Variants in NXPE3 observed in about 807,000 individuals in gnomAD.
NXPE3 encodes NXPE family member 3.
A neutral mutation model predicts 46.1 loss-of-function variants in NXPE3; 26 were observed. That is an observed-to-expected ratio of 0.56 (90% CI 0.41 to 0.78). The LOEUF is 0.78. Ranked by LOEUF, NXPE3 falls within the 30% of genes least tolerant of loss-of-function variation. NXPE3 has a pLI of 0.00. For missense variants in NXPE3, 620 were observed against 686.0 expected (o/e 0.90, Z 1.07); for synonymous variants, 272 against 257.9 (o/e 1.05, Z -0.52).
At chr3:101,791,811 A>G (rs1299792222) in intron 4 of NXPE3, among the ~76,000 whole-genome samples, 3 of 136,338 alleles carry the variant, frequency 2.2e-5, no homozygotes, top group Admixed American at 2.1e-4. Context: ...ACACTCTGTA[A>G]TAAGATTGCT....
chr3:101,821,690 T>C lies in NXPE3; in HGVS notation c.1416T>C (p.Asp472=), dbSNP rs1381749475. 6.2e-6 allele frequency: 10 copies of C among 1,614,052 alleles called. No individual in the cohort carries two copies. Among genetic ancestry groups the C allele is most frequent in the Non-Finnish European group, 7.6e-6 (9 of 1,180,032 alleles). Residue 472 remains aspartate (D), a synonymous_variant, in exon 8 of 8, where the codon GAT becomes GAC. Transcript: ENST00000273347. The part of the protein sequence containing the change: ...NIRRAVVRLL[D]RSPKTVVVIR... The stretch of plus-strand genomic sequence containing the variant: ...GTCGAGCAGTGGTTCGGCTCCTCGA[T>C]CGAAGCCCAAAGACCGTGGTGGTCA...
chr3:101,814,306 C>T (rs918039627), intron 6 of NXPE3, among the ~76,000 whole-genome samples: 5 of 152,244 alleles, frequency 3.3e-5, no homozygotes, highest in Non-Finnish European at 2.9e-5. Flanking sequence ...ATTAAAGCTA[C>T]ACTTGATAAC....
At chr3:101,787,454 G>A (rs1247319510) in intron 4 of NXPE3, among the ~76,000 whole-genome samples, 2 of 152,114 alleles carry the variant, frequency 1.3e-5, no homozygotes, top group African/African-American at 2.4e-5. Context: ...TTACAGGCGT[G>A]TGCCACCACG....
At chr3:101,814,986 C>A (rs1941905891) in intron 6 of NXPE3, among the ~76,000 whole-genome samples, 1 of 152,164 alleles carries the variant, frequency 6.6e-6, no homozygotes, top group African/African-American at 2.4e-5. Context: ...ATAGGACCTA[C>A]TTCAAAGAGT....
chr3:101,804,685 C>T (rs1460905102), intron 5 of NXPE3, among the ~76,000 whole-genome samples: 1 of 152,178 alleles, frequency 6.6e-6, no homozygotes, highest in Non-Finnish European at 1.5e-5. Context: ...TCCTTGGTAG[C>T]TCATAACCTT....
In NXPE3 at chr3:101,813,974, G is replaced by A. The variant is rs984566626; in HGVS notation, c.923-2821G>A. Among the ~76,000 whole-genome samples, 8 of 152,170 alleles carry A rather than the reference G, an allele frequency of 5.3e-5. No individual in the cohort carries two copies. The South Asian group carries it at 1.7e-3, about 31-fold the overall frequency. Reference sequence around the variant, plus strand: ...ATATGATTTTTTTCTCATGTAGCATGCAGCATGTTTAAAGAATTAATGTCA... The same window carrying A: ...ATATGATTTTTTTCTCATGTAGCATACAGCATGTTTAAAGAATTAATGTCA... On this transcript the variant is annotated intron_variant, in intron 6 of 7. Coordinates refer to ENST00000273347, the MANE Select transcript of NXPE3 (RefSeq NM_145037.4).
Position 101,821,577 on chromosome 3 carries a change from G to T in NXPE3, c.1303G>T (p.Gly435Trp). 3 of 1,614,158 alleles carry T rather than the reference G, an allele frequency of 1.9e-6. No homozygotes were observed. Among genetic ancestry groups the T allele is most frequent in the Admixed American group, 1.7e-5 (1 of 60,014 alleles). The change falls in exon 8 of 8, where the codon GGG (glycine) becomes TGG (tryptophan). Residue 435 changes from glycine (G) to tryptophan (W), a missense_variant. Gly to Trp is a radical substitution (Grantham distance 184). Transcript: ENST00000273347. Reference sequence around the variant, plus strand: ...GAATGAGCTGAATGGCATTGTGGGAGGGAAGAACACAGTGGTTGCCATAGC... The same window carrying T: ...GAATGAGCTGAATGGCATTGTGGGATGGAAGAACACAGTGGTTGCCATAGC... ...VANELNGIVG[G>W]KNTVVAIAVW...
At chr3:101,802,531 A>G (rs1941221391) in intron 5 of NXPE3, among the ~76,000 whole-genome samples, 2 of 151,990 alleles carry the variant, frequency 1.3e-5, no homozygotes, top group East Asian at 3.8e-4. Context: ...TTTGTATCTA[A>G]TGAACTGAAA....
In NXPE3 at chr3:101,785,650, G is replaced by C. The variant is rs1186314457; in HGVS notation, c.54G>C (p.Leu18Phe). ...LRLFCCLLAVLMVVVLVINVT... is the reference protein window; with the variant it reads ...LRLFCCLLAVFMVVVLVINVT... ...TTTTCTGCTGTCTGCTTGCAGTGTT[G>C]ATGGTGGTGGTGCTGGTCATCAATG... Residue 18 changes from leucine to phenylalanine, a missense_variant, in exon 4 of 8, where the codon TTG (leucine) becomes TTC (phenylalanine). Physicochemically the swap from Leu to Phe is conservative, Grantham distance 22. Transcript: ENST00000273347. The C allele has an allele frequency of 6.2e-7, 1 of 1,614,012 alleles. No individual in the cohort carries two copies. The highest frequency in any genetic ancestry group is 1.1e-5 in the South Asian group (1 of 91,062).
chr3:101,811,727 ATTTTTTTTTTT>A (rs33999838), intron 6 of NXPE3, among the ~76,000 whole-genome samples: 1 of 98,622 alleles, frequency 1.0e-5, no homozygotes, highest in Non-Finnish European at 2.1e-5. Context: ...GCAGTAGTTA[ATTTTTTTTTTT>A]TTTTTTTTTT....
At position 101,824,303 on chromosome 3, in the gene NXPE3, T is replaced by C. The variant is rs977867995; in HGVS notation, c.*2349T>C. On this transcript the variant is annotated 3_prime_UTR_variant, in exon 8 of 8. Coordinates refer to ENST00000273347, the MANE Select transcript of NXPE3 (RefSeq NM_145037.4). ...GGGATTTACCAATAACTGGTTTAAT[T>C]CTGTTCATGATCCAATAGTATTGGT... 1 of 152,186 alleles carries C rather than the reference T, an allele frequency of 6.6e-6. No individual in the cohort carries two copies. The highest frequency in any genetic ancestry group is 1.5e-5 in the Non-Finnish European group (1 of 68,044). The allele number at this position is 152,186 out of a possible 1,614,324, so 9.4% of individuals were successfully genotyped here. A position where few individuals can be genotyped will look rare whatever the true frequency, so the allele number is the denominator to read the frequency against.
intron 5 of NXPE3, among the ~76,000 whole-genome samples, chr3:101,805,733 G>A (rs1259151665): frequency 5.9e-5 from 9 of 152,092 alleles, no homozygotes; most frequent in East Asian, 5.8e-4. Context: ...AAGCCACCAC[G>A]CCCAGTCTGC....
rs1276532906 is a variant in NXPE3 at position 101,801,860 on chromosome 3, A to G, written c.719A>G (p.Asp240Gly). ...PGNLPLCNFT[D>G]LYTGEPWFCF... Reference sequence around the variant, plus strand: ...AATCTGCCCCTGTGTAACTTTACAGACCTCTACACTGGGGAGCCCTGGTTC... The same window carrying G: ...AATCTGCCCCTGTGTAACTTTACAGGCCTCTACACTGGGGAGCCCTGGTTC... Residue 240 changes from aspartate to glycine, a missense_variant, in exon 5 of 8, where the codon GAC (aspartate) becomes GGC (glycine). Transcript: ENST00000273347. 1 of 1,614,132 alleles carries G rather than the reference A, an allele frequency of 6.2e-7. No homozygotes were observed. Among genetic ancestry groups the G allele is most frequent in the Non-Finnish European group, 8.5e-7 (1 of 1,180,028 alleles).
intron 7 of NXPE3, among the ~76,000 whole-genome samples, chr3:101,819,746 CT>C (rs1178214570): frequency 6.6e-6 from 1 of 152,058 alleles, no homozygotes; most frequent in African/African-American, 2.4e-5. Flanking sequence ...CACATACTTA[CT>C]TTTTTATAGT....
chr3:101,794,754 G>A lies in NXPE3; in HGVS notation c.94-6481G>A, dbSNP rs560712686. ...GAGAGACTTGAGAGGGTAGGCTGCA[G>A]TCCCACATCAGTAATGTTATAACAG... On this transcript the variant is annotated intron_variant, in intron 4 of 7. Coordinates refer to ENST00000273347, the MANE Select transcript of NXPE3 (RefSeq NM_145037.4). Among the ~76,000 whole-genome samples, 23 of 152,310 alleles carry A rather than the reference G, an allele frequency of 1.5e-4. No individual in the cohort carries two copies. In the South Asian group the frequency reaches 4.6e-3, roughly 30 times the overall value.
At position 101,822,043 on chromosome 3, in the gene NXPE3, G is replaced by T. The variant is rs569944573; in HGVS notation, c.*89G>T. 619 of 1,152,092 alleles carry T rather than the reference G, an allele frequency of 5.4e-4. 1 individual carries two copies. The highest frequency in any genetic ancestry group is 7.1e-4 in the Non-Finnish European group (567 of 803,212). 71.4% of individuals were successfully genotyped at this position (1,152,092 alleles called of 1,614,324 possible). A position where few individuals can be genotyped will look rare whatever the true frequency, so the allele number is the denominator to read the frequency against. Reference sequence around the variant, plus strand: ...AAAGTGGCCCCAGTGAGAGATGACTGCCCTTAATAAGTATAAAATTTCAAA... The same window carrying T: ...AAAGTGGCCCCAGTGAGAGATGACTTCCCTTAATAAGTATAAAATTTCAAA... On this transcript the variant is annotated 3_prime_UTR_variant, in exon 8 of 8. Transcript: ENST00000273347.
rs1346792022 is a variant in NXPE3 at position 101,825,331 on chromosome 3, C to T, written c.*3377C>T. On this transcript the variant is annotated 3_prime_UTR_variant, in exon 8 of 8. Transcript: ENST00000273347. Reference sequence around the variant, plus strand: ...ATTCCAATATCACTTAAACGTTTCCCAGAATATTTAGATAGAATAATTTAG... The same window carrying T: ...ATTCCAATATCACTTAAACGTTTCCTAGAATATTTAGATAGAATAATTTAG... 1 of 152,110 alleles carries T rather than the reference C, an allele frequency of 6.6e-6. No homozygotes were observed. The highest frequency in any genetic ancestry group is 2.4e-5 in the African/African-American group (1 of 41,412). The allele number at this position is 152,110 out of a possible 1,614,324, so 9.4% of individuals were successfully genotyped here.
At chr3:101,791,816 A>G (rs923008156) in intron 4 of NXPE3, among the ~76,000 whole-genome samples, 1 of 135,974 alleles carries the variant, frequency 7.4e-6, no homozygotes, top group African/African-American at 2.6e-5. Context: ...CTGTAATAAG[A>G]TTGCTGGTGG....
rs533503456 is a variant in NXPE3, at chr3:101,802,386, A to G, written c.848+397A>G. Among the ~76,000 whole-genome samples the G allele has an allele frequency of 3.2e-3, 481 of 150,490 alleles. 4 individuals carry two copies. The highest frequency in any genetic ancestry group is 0.011 in the African/African-American group (455 of 40,144). ...TAATCCCAGCACTTTGGGAGGCTGA[A>G]ACGGGAGGATCGCTTGAGCCCAGGA... is the stretch of plus-strand genomic sequence containing the variant. On this transcript the variant is annotated intron_variant, in intron 5 of 7. Transcript: ENST00000273347.
Sources: gnomAD v4.1 joint callset for allele counts (sites outside exome capture counted in the v4.1 genomes callset) on GRCh38, gnomAD v4.1.1 for gene constraint, MANE v1.5 for transcripts, NCBI Gene and HGNC (gene_info 2026-07-23, HGNC 2026-07-21) for gene names.